Variants in MAP3K5 observed in about 807,000 individuals in gnomAD.
The protein encoded by MAP3K5 is ASK-1.
Under a neutral mutation model 158.7 loss-of-function variants are expected in MAP3K5, and 56 were observed. The observed-to-expected ratio is 0.35, with a 90% confidence interval of 0.28 to 0.44. The LOEUF is 0.44. Ranked by LOEUF, MAP3K5 falls within the 20% of genes least tolerant of loss-of-function variation. MAP3K5 has a pLI of 1.00. For synonymous variants in MAP3K5, 579 were observed against 601.7 expected (o/e 0.96, Z 0.55); for missense variants, 1,294 against 1,674.8 (o/e 0.77, Z 3.97).
At chr6:136,770,185 G>A (rs777938598) in intron 1 of MAP3K5, among the ~76,000 whole-genome samples, 41 of 151,974 alleles carry the variant, frequency 2.7e-4, no homozygotes, top group Non-Finnish European at 5.0e-4. Flanking sequence ...CCATGTTGGG[G>A]CATCTCTCCC....
intron 7 of MAP3K5, among the ~76,000 whole-genome samples, chr6:136,675,559 A>C (rs1779668528): frequency 6.6e-6 from 1 of 152,272 alleles, no homozygotes; most frequent in African/African-American, 2.4e-5. Flanking sequence ...GAAAATTAGA[A>C]GGTATTTAAA....
chr6:136,674,011 A>G (rs1217991192), intron 7 of MAP3K5, among the ~76,000 whole-genome samples: 1 of 152,112 alleles, frequency 6.6e-6, no homozygotes, highest in Middle Eastern at 3.2e-3. Flanking sequence ...TTTTAAAATC[A>G]GCCAGAGAAA....
At chr6:136,559,016 T>C in intron 28 of MAP3K5, 140 bp from the exon 29 acceptor site, 1 of 600,040 alleles carries the variant, frequency 1.7e-6, no homozygotes, top group South Asian at 2.1e-5. Context: ...TCTTCCAGGA[T>C]TATTAGGGGA....
At chr6:136,630,717 C>T (rs915921558) in intron 14 of MAP3K5, among the ~76,000 whole-genome samples, 1 of 152,210 alleles carries the variant, frequency 6.6e-6, no homozygotes, top group Admixed American at 6.5e-5. Flanking sequence ...TCCCACCATA[C>T]ACTTTCTTAA....
At chr6:136,570,274 TTTTCCTCTAAATC>T (rs1177673871) in intron 25 of MAP3K5, among the ~76,000 whole-genome samples, 2 of 152,206 alleles carry the variant, frequency 1.3e-5, no homozygotes, top group Non-Finnish European at 2.9e-5. Context: ...GTGGACAGTA[TTTTCCTCTAAATC>T]TCTGGCTGCT....
At chr6:136,783,803 G>A (rs533177129) in intron 1 of MAP3K5, among the ~76,000 whole-genome samples, 19 of 152,206 alleles carry the variant, frequency 1.2e-4, no homozygotes, top group Non-Finnish European at 2.6e-4. Flanking sequence ...CTGGCTTGGA[G>A]TGGTGTTTGA....
chr6:136,625,408 T>C lies in MAP3K5; in HGVS notation c.2017-2427A>G, dbSNP rs1055921573. On this transcript the variant is annotated intron_variant, in intron 14 of 29. Transcript: ENST00000359015. ...GGGATAGGAAGTATGGCCTAGTGCC[T>C]ACGCCAGGCAAAGAGCAGAAACACA... Among the ~76,000 whole-genome samples the C allele has an allele frequency of 4.9e-4, 75 of 152,164 alleles. 1 individual carries two copies. The highest frequency in any genetic ancestry group is 1.6e-3 in the African/African-American group (68 of 41,424).
At chr6:136,707,921 TC>T (rs1328960250) in intron 2 of MAP3K5, among the ~76,000 whole-genome samples, 1 of 152,098 alleles carries the variant, frequency 6.6e-6, no homozygotes, top group African/African-American at 2.4e-5. Flanking sequence ...TAGAGAAGGA[TC>T]TCCCAGATCT....
At chr6:136,718,136 T>C (rs552039584) in intron 2 of MAP3K5, among the ~76,000 whole-genome samples, 3 of 152,350 alleles carry the variant, frequency 2.0e-5, no homozygotes, top group African/African-American at 7.2e-5. Context: ...AGCTTCGGTT[T>C]GTGATACTAA....
intron 7 of MAP3K5, among the ~76,000 whole-genome samples, chr6:136,679,755 A>G (rs2114585343): frequency 6.6e-6 from 1 of 152,332 alleles, no homozygotes; most frequent in Non-Finnish European, 1.5e-5. Flanking sequence ...ATCATGACGC[A>G]TGTTACTATT....
chr6:136,626,645 C>A (rs1777051017), intron 14 of MAP3K5, among the ~76,000 whole-genome samples: 1 of 152,176 alleles, frequency 6.6e-6, no homozygotes, highest in South Asian at 2.1e-4. Context: ...CGCTGGAATT[C>A]CACCAGTGGG....
intron 21 of MAP3K5, among the ~76,000 whole-genome samples, chr6:136,596,571 G>C (rs1296212333): frequency 6.6e-6 from 1 of 152,270 alleles, no homozygotes; most frequent in Non-Finnish European, 1.5e-5. Context: ...AAAGACATTA[G>C]AGCATGTGTA....
intron 1 of MAP3K5, among the ~76,000 whole-genome samples, chr6:136,721,794 T>C (rs796995483): frequency 9.2e-5 from 14 of 152,168 alleles, no homozygotes; most frequent in African/African-American, 3.1e-4. Context: ...GAGTTGAGAG[T>C]ATCACCTGAG....
intron 21 of MAP3K5, among the ~76,000 whole-genome samples, chr6:136,598,214 G>C (rs1775717039): frequency 6.6e-6 from 1 of 152,098 alleles, no homozygotes; most frequent in South Asian, 2.1e-4. Flanking sequence ...CACACATCCT[G>C]GCATTAACTC....
intron 23 of MAP3K5, among the ~76,000 whole-genome samples, chr6:136,584,208 A>T (rs1289525298): frequency 6.6e-6 from 1 of 152,244 alleles, no homozygotes; most frequent in Non-Finnish European, 1.5e-5. Context: ...TTGAGCAATA[A>T]GCCATAGGAT....
At chr6:136,621,035 T>C (rs545439161) in intron 15 of MAP3K5, among the ~76,000 whole-genome samples, 2 of 152,362 alleles carry the variant, frequency 1.3e-5, no homozygotes, top group South Asian at 4.1e-4. Context: ...ATTGCGGTTT[T>C]TGCCATTAAT....
chr6:136,613,130 C>T lies in MAP3K5; in HGVS notation c.2405G>A (p.Arg802Gln), dbSNP rs138095094. The T allele has an allele frequency of 2.5e-6, 4 of 1,607,054 alleles. No homozygotes were observed. The highest frequency in any genetic ancestry group is 1.3e-5 in the African/African-American group (1 of 74,780). Residue 802 changes from arginine to glutamine, a missense_variant, in exon 17 of 30, where the codon CGG becomes CAG. Physicochemically the swap from Arg to Gln is conservative, Grantham distance 43. This residue lies in a region of MAP3K5 where 362 missense variants were observed against 463.2 expected (regional missense o/e 0.78). Transcript: ENST00000359015. The surrounding 1 kb of genome is among the most constrained non-coding windows in gnomAD (Gnocchi z 4.0). ...KYLHDNQIVH[R>Q]DIKGDNVLIN... Reference sequence around the variant, plus strand: ...GCTGGTGTACCTCACCTTTATGTCCCGGTGAACTATCTGATTGTCATGGAG... The same window carrying T: ...GCTGGTGTACCTCACCTTTATGTCCTGGTGAACTATCTGATTGTCATGGAG...
intron 1 of MAP3K5, among the ~76,000 whole-genome samples, chr6:136,759,482 A>ATATATATATATATATATATATC (rs1420942856): frequency 7.0e-6 from 1 of 142,036 alleles, no homozygotes; most frequent in Admixed American, 7.0e-5. Flanking sequence ...ATATATATAT[A>ATATATATATATATATATATATC]AAGTTTGAGA....
At chr6:136,726,833 A>C (rs1349592648) in intron 1 of MAP3K5, among the ~76,000 whole-genome samples, 2 of 152,198 alleles carry the variant, frequency 1.3e-5, no homozygotes, top group Non-Finnish European at 2.9e-5. Flanking sequence ...CCTGAAATTT[A>C]ACTGAACTCA....
Sources: gnomAD v4.1 joint callset for allele counts (sites outside exome capture counted in the v4.1 genomes callset) on GRCh38, gnomAD v4.1.1 for gene constraint, gnomAD v4.1.1 regional missense constraint, Gnocchi (gnomAD v3.1) non-coding constraint, MANE v1.5 for transcripts, NCBI Gene and HGNC (gene_info 2026-07-23, HGNC 2026-07-21) for gene names.